TLN2: variants seen among roughly 807,000 people sequenced by gnomAD.
The protein encoded by TLN2 is talin-2.
In TLN2, 118 loss-of-function variants were observed where a neutral mutation model predicts 294.7. The observed-to-expected ratio is 0.40, with a 90% CI of 0.34 to 0.47. The LOEUF (loss-of-function observed/expected upper bound fraction) is 0.47, where lower values mean the gene tolerates loss of function less well. Among genes scored for constraint, TLN2 ranks in the 20% least tolerant of loss-of-function variants. The pLI is 0.84. For missense variants in TLN2, 3,083 were observed against 3,282.2 expected, an observed-to-expected ratio of 0.94 and a Z score of 1.48; for synonymous variants, 1,431 against 1,304.5, an observed-to-expected ratio of 1.10 and a Z score of -2.09.
intron 3 of TLN2, among the ~76,000 whole-genome samples, chr15:62,645,469 T>G (rs1490297215): frequency 6.6e-6 from 1 of 152,252 alleles, no homozygotes; most frequent in Non-Finnish European, 1.5e-5. Context: ...ACATTGCAGT[T>G]GGACGGCCTG....
chr15:62,520,240 AAG>A (rs1411549636), intron 1 of TLN2, among the ~76,000 whole-genome samples: 1 of 152,230 alleles, frequency 6.6e-6, no homozygotes, highest in Admixed American at 6.5e-5. Flanking sequence ...GTTTTGAACT[AAG>A]AGCTACGGAA....
chr15:62,692,899 A>T lies in TLN2; in HGVS notation c.1173A>T (p.Ile391=). The T allele has an allele frequency of 6.2e-7, 1 of 1,613,806 alleles. No individual in the cohort carries two copies. The highest frequency in any genetic ancestry group is 8.5e-7 in the Non-Finnish European group (1 of 1,179,880). The part of the protein sequence containing the change: ...YSVQTTEGEQ[I]SQLIAGYIDI... ...TACAAACCACCGAGGGAGAGCAGATATCCCAGCTGATTGCAGGCTACATTG... is the reference window on the plus strand; with the variant it reads ...TACAAACCACCGAGGGAGAGCAGATTTCCCAGCTGATTGCAGGCTACATTG... Residue 391 remains isoleucine (I), a synonymous_variant, in exon 13 of 59, where the codon ATA becomes ATT. Coordinates refer to ENST00000636159, the MANE Select transcript of TLN2 (RefSeq NM_015059.3).
chr15:62,562,830 A>G (rs1226693502), intron 1 of TLN2, among the ~76,000 whole-genome samples: 2 of 151,142 alleles, frequency 1.3e-5, no homozygotes, highest in African/African-American at 4.9e-5. Flanking sequence ...TTCATTTAGA[A>G]TAATAGTCTC....
intron 32 of TLN2, among the ~76,000 whole-genome samples, chr15:62,743,882 G>A (rs1555496428): frequency 6.6e-6 from 1 of 152,136 alleles, no homozygotes; most frequent in Admixed American, 6.5e-5. Context: ...CACAGAGGAT[G>A]CTCCCTAGGA....
intron 28 of TLN2, among the ~76,000 whole-genome samples, chr15:62,731,640 A>T (rs926435306): frequency 1.3e-5 from 2 of 152,130 alleles, no homozygotes; most frequent in African/African-American, 2.4e-5. Flanking sequence ...GCCCCATGAG[A>T]TATCAAGAAA....
chr15:62,489,142 CAG>C (rs2038571584), intron 1 of TLN2, among the ~76,000 whole-genome samples: 2 of 152,142 alleles, frequency 1.3e-5, no homozygotes, highest in African/African-American at 4.8e-5. Flanking sequence ...GCCTGGGTGA[CAG>C]AGCAAGACTC....
intron 27 of TLN2, among the ~76,000 whole-genome samples, chr15:62,725,899 A>G (rs954213247): frequency 1.3e-5 from 2 of 152,214 alleles, no homozygotes; most frequent in Non-Finnish European, 2.9e-5. Flanking sequence ...TTTAGAATGT[A>G]AAGGGGACTT....
In TLN2 at chr15:62,843,969, A is replaced by T. The variant is rs1051974524; in HGVS notation, c.*3359A>T. On this transcript the variant is annotated 3_prime_UTR_variant, in exon 59 of 59. Transcript: ENST00000636159. ...TGGCCTTAAGATCTCAGCACAGACT[A>T]TCAGCATGTTCCATTCTCAGATTCC... is the stretch of plus-strand genomic sequence containing the variant. 2 of 152,216 alleles carry T rather than the reference A, an allele frequency of 1.3e-5. No individual in the cohort carries two copies. The highest frequency in any genetic ancestry group is 4.8e-5 in the African/African-American group (2 of 41,444). The allele number at this position is 152,216 out of a possible 1,614,324, so 9.4% of individuals were successfully genotyped here. A position where few individuals can be genotyped will look rare whatever the true frequency, so the allele number is the denominator to read the frequency against.
intron 11 of TLN2, 109 bp downstream of exon 11, chr15:62,675,430 C>G: frequency 2.7e-6 from 3 of 1,102,422 alleles, no homozygotes; most frequent in Non-Finnish European, 4.0e-6. Flanking sequence ...CTAGCATTTG[C>G]GGGTGGAACA....
At chr15:62,711,149 C>T (rs2059407918) in intron 21 of TLN2, among the ~76,000 whole-genome samples, 1 of 152,174 alleles carries the variant, frequency 6.6e-6, no homozygotes, top group Non-Finnish European at 1.5e-5. Context: ...GCATTCTTCT[C>T]AGATGACCTT....
chr15:62,647,049 C>A (rs888870967), intron 3 of TLN2, among the ~76,000 whole-genome samples: 2 of 152,200 alleles, frequency 1.3e-5, no homozygotes, highest in Non-Finnish European at 2.9e-5. Flanking sequence ...CTACTTGTCA[C>A]CCTGTAGTAA....
At chr15:62,481,165 T>G (rs1053688490) in intron 1 of TLN2, among the ~76,000 whole-genome samples, 1 of 152,230 alleles carries the variant, frequency 6.6e-6, no homozygotes, top group Non-Finnish European at 1.5e-5. Context: ...TTAAAAAGCA[T>G]GATTTTTCTA....
At chr15:62,581,911 G>A (rs915330750) in intron 1 of TLN2, among the ~76,000 whole-genome samples, 3 of 151,976 alleles carry the variant, frequency 2.0e-5, no homozygotes, top group Non-Finnish European at 4.4e-5. Flanking sequence ...GGGCGTAGTG[G>A]TATGAGTCTG....
At chr15:62,711,317 G>A (rs2059418242) in intron 21 of TLN2, among the ~76,000 whole-genome samples, 2 of 152,134 alleles carry the variant, frequency 1.3e-5, no homozygotes, top group Non-Finnish European at 2.9e-5. Context: ...CAAAATCAGT[G>A]CTGGGCAAAA....
chr15:62,697,886 CG>C lies in TLN2; in HGVS notation c.1473+19del, dbSNP rs780401600. ...CGCCACTGGTGAGGCTTCCTGTGCTCGTCCCCCACTCGTTAGTCTGCTGCCT... is the reference window on the plus strand; with the variant it reads ...CGCCACTGGTGAGGCTTCCTGTGCTCTCCCCCACTCGTTAGTCTGCTGCCT... On this transcript the variant is annotated intron_variant, in intron 15 of 58. Coordinates refer to ENST00000636159, the MANE Select transcript of TLN2 (RefSeq NM_015059.3). The C allele has an allele frequency of 4.4e-6, 7 of 1,607,976 alleles. No homozygotes were observed. In the South Asian group the frequency reaches 7.7e-5, roughly 18 times the overall value.
intron 1 of TLN2, among the ~76,000 whole-genome samples, chr15:62,526,796 A>G (rs567563463): frequency 4.4e-4 from 67 of 152,208 alleles, no homozygotes; most frequent in Admixed American, 1.5e-3. Flanking sequence ...TGTGAGAGGT[A>G]ATGTAGGGGT....
At chr15:62,554,988 T>C (rs2042527595) in intron 1 of TLN2, among the ~76,000 whole-genome samples, 2 of 75,250 alleles carry the variant, frequency 2.7e-5, no homozygotes, top group East Asian at 3.5e-4. Context: ...AAATTCTATT[T>C]AGAAAGAAAA....
At chr15:62,460,224 A>T (rs2036717518) in intron 1 of TLN2, among the ~76,000 whole-genome samples, 2 of 149,184 alleles carry the variant, frequency 1.3e-5, no homozygotes, top group Admixed American at 6.7e-5. Flanking sequence ...GGTGCATTTG[A>T]TGTGTTCACA....
chr15:62,643,091 T>A (rs4491455), intron 3 of TLN2, among the ~76,000 whole-genome samples: 1 of 152,158 alleles, frequency 6.6e-6, no homozygotes, highest in African/African-American at 2.4e-5. Context: ...TTGTTGTGAG[T>A]GGTGCTAGAA....
Sources: gnomAD v4.1 joint callset for allele counts (sites outside exome capture counted in the v4.1 genomes callset) on GRCh38, gnomAD v4.1.1 for gene constraint, MANE v1.5 for transcripts, NCBI Gene and HGNC (gene_info 2026-07-23, HGNC 2026-07-21) for gene names.